NAPG: variants seen among roughly 807,000 people sequenced by gnomAD.
NAPG encodes the protein gamma-soluble NSF attachment protein.
Under a neutral mutation model 48.4 loss-of-function variants are expected in NAPG, and 25 were observed. The ratio of observed to expected loss-of-function variants is 0.52; its 90% CI spans 0.38 to 0.72. The LOEUF (loss-of-function observed/expected upper bound fraction) is 0.72, where lower values mean the gene tolerates loss of function less well. Ranked by LOEUF, NAPG falls within the 30% of genes least tolerant of loss-of-function variation. The pLI, the probability that NAPG is intolerant of heterozygous loss-of-function variation, is 0.00. For synonymous variants in NAPG, 139 were observed against 127.2 expected (o/e 1.09, Z -0.62); for missense variants, 359 against 372.5 (o/e 0.96, Z 0.30).
Position 10,546,908 on chromosome 18 carries a change from G to A in NAPG, c.585+504G>A, listed in dbSNP as rs1471748877. ...CTTGTCCCAGGCATGGAGCTACACT[G>A]TGATGATGGCTCAGGTTGATAAAAC... On this transcript the variant is annotated intron_variant, in intron 9 of 11. Transcript: ENST00000322897. The surrounding 1 kb of genome is among the most constrained non-coding windows in gnomAD (Gnocchi z 4.0). Among the ~76,000 whole-genome samples, 4 of 152,194 alleles carry A rather than the reference G, an allele frequency of 2.6e-5. No individual in the cohort carries two copies. The highest frequency in any genetic ancestry group is 5.9e-5 in the Non-Finnish European group (4 of 68,030).
chr18:10,539,294 G>A lies in NAPG; in HGVS notation c.259-468G>A, dbSNP rs1415960536. The A allele has an allele frequency of 6.4e-6, 1 of 156,860 alleles. No individual in the cohort carries two copies. Among genetic ancestry groups the A allele is most frequent in the African/African-American group, 2.4e-5 (1 of 41,470 alleles). 9.7% of individuals were successfully genotyped at this position (156,860 alleles called of 1,614,324 possible). On this transcript the variant is annotated intron_variant, in intron 5 of 11. Coordinates refer to ENST00000322897, the MANE Select transcript of NAPG (RefSeq NM_003826.3). The surrounding 1 kb of genome is among the most constrained non-coding windows in gnomAD (Gnocchi z 4.7). ...CAGTGATAGACTGGATAAAGAAAATGTGGTACATATACACCATGGAATACT... is the reference window on the plus strand; with the variant it reads ...CAGTGATAGACTGGATAAAGAAAATATGGTACATATACACCATGGAATACT...
At chr18:10,538,178 T>C (rs1270165977) in intron 5 of NAPG, among the ~76,000 whole-genome samples, 2 of 151,814 alleles carry the variant, frequency 1.3e-5, no homozygotes, top group African/African-American at 4.8e-5. Flanking sequence ...AGATACAGAA[T>C]TTATTAGTCA....
At chr18:10,531,842 A>G (rs957883395) in intron 2 of NAPG, among the ~76,000 whole-genome samples, 2 of 152,106 alleles carry the variant, frequency 1.3e-5, no homozygotes, top group Admixed American at 6.6e-5. Context: ...TTTAGATGAA[A>G]TTTTCCCCCT....
Position 10,548,347 on chromosome 18 carries a change from G to A in NAPG, c.634G>A (p.Ala212Thr). 1 of 1,613,860 alleles carries A rather than the reference G, an allele frequency of 6.2e-7. No individual in the cohort carries two copies. Among genetic ancestry groups the A allele is most frequent in the East Asian group, 2.2e-5 (1 of 44,874 alleles). ...LVHLHRNDYV[A>T]AERCVRESYS... Reference sequence around the variant, plus strand: ...TCATCTACACAGAAATGACTATGTAGCTGCAGAAAGATGTGTCCGGGAGAG... The same window carrying A: ...TCATCTACACAGAAATGACTATGTAACTGCAGAAAGATGTGTCCGGGAGAG... The change falls in exon 10 of 12, where the codon GCT becomes ACT. Residue 212 changes from alanine (A) to threonine (T), a missense_variant. Transcript: ENST00000322897. This position sits in a 1 kb window ranked among gnomAD's most constrained non-coding sequence, Gnocchi z 4.4.
intron 5 of NAPG, among the ~76,000 whole-genome samples, chr18:10,538,875 G>T (rs1042897573): frequency 9.9e-5 from 15 of 151,802 alleles, no homozygotes; most frequent in Admixed American, 1.3e-4. Context: ...TGTAGAAAAA[G>T]AAGACATACA....
chr18:10,548,995 T>C lies in NAPG; in HGVS notation c.694T>C (p.Cys232Arg), dbSNP rs1217162529. 1 of 1,613,886 alleles carries C rather than the reference T, an allele frequency of 6.2e-7. No homozygotes were observed. The highest frequency in any genetic ancestry group is 1.1e-5 in the South Asian group (1 of 91,068). Residue 232 changes from cysteine (C) to arginine (R), a missense_variant, in exon 11 of 12, where the codon TGT (cysteine) becomes CGT (arginine). By Grantham distance (180) the Cys-to-Arg change is radical (BLOSUM62 -3). Coordinates refer to ENST00000322897, the MANE Select transcript of NAPG (RefSeq NM_003826.3). This position sits in a 1 kb window ranked among gnomAD's most constrained non-coding sequence, Gnocchi z 4.4. ...SIPGFNGSEDCAALEQLLEGY... is the reference protein window; with the variant it reads ...SIPGFNGSEDRAALEQLLEGY... ...CCCTGGGTTCAATGGCAGTGAAGAC[T>C]GTGCTGCCCTGGAACAGCTTCTTGA...
At chr18:10,533,487 T>C in intron 3 of NAPG, 49 bp from the exon 4 acceptor site, 1 of 1,535,904 alleles carries the variant, frequency 6.5e-7, no homozygotes, top group Non-Finnish European at 8.8e-7. Context: ...ATAGAAACTA[T>C]TGATTTTTTT....
chr18:10,545,178 G>A (rs1458122590), intron 8 of NAPG, among the ~76,000 whole-genome samples: 1 of 152,094 alleles, frequency 6.6e-6, no homozygotes, highest in Non-Finnish European at 1.5e-5. Context: ...TGGGCGTGGT[G>A]GTGGGCGCCT....
chr18:10,540,116 GA>G, intron 7 of NAPG, 62 bp downstream of exon 7: 1 of 1,361,154 alleles, frequency 7.3e-7, no homozygotes. Context: ...TAATATATAG[GA>G]AAATAGAGAA....
chr18:10,540,128 G>A (rs1479800862), intron 7 of NAPG, 74 bp downstream of exon 7: 66 of 1,274,088 alleles, frequency 5.2e-5, no homozygotes, highest in Non-Finnish European at 6.1e-5. Context: ...AAATAGAGAA[G>A]TGCAGTGGCT....
At position 10,543,571 on chromosome 18, in the gene NAPG, GC is replaced by G. The variant is rs1375901106; in HGVS notation, c.507-2753del. Among the ~76,000 whole-genome samples the G allele has an allele frequency of 6.6e-6, 1 of 152,212 alleles. No homozygotes were observed. Among genetic ancestry groups the G allele is most frequent in the African/African-American group, 2.4e-5 (1 of 41,450 alleles). ...TTTTGGAGTTCAGGAAATAGTTGGG[GC>G]CAGAGGAACAGTTTGAGTTGTGGTG... On this transcript the variant is annotated intron_variant, in intron 8 of 11. Transcript: ENST00000322897. The surrounding 1 kb of genome is among the most constrained non-coding windows in gnomAD (Gnocchi z 4.4).
chr18:10,532,808 A>G lies in NAPG; in HGVS notation c.209+13A>G. ...AAAATAATAGGGCGTATCTTTTTCA[A>G]CTTTTAAAAAGAAATTAAACAATTA... On this transcript the variant is annotated intron_variant, in intron 3 of 11. Coordinates refer to ENST00000322897, the MANE Select transcript of NAPG (RefSeq NM_003826.3). 6.5e-7 allele frequency: 1 copy of G among 1,530,518 alleles called. No homozygotes were observed. The highest frequency in any genetic ancestry group is 1.4e-5 in the African/African-American group (1 of 72,676). The allele number at this position is 1,530,518 out of a possible 1,614,324, so 94.8% of individuals were successfully genotyped here.
Position 10,546,768 on chromosome 18 carries a change from T to G in NAPG, c.585+364T>G, listed in dbSNP as rs748538072. 1.3e-5 allele frequency among the ~76,000 whole-genome samples: 2 copies of G among 152,184 alleles called. No individual in the cohort carries two copies. Among genetic ancestry groups the G allele is most frequent in the Non-Finnish European group, 2.9e-5 (2 of 68,036 alleles). On this transcript the variant is annotated intron_variant, in intron 9 of 11. Coordinates refer to ENST00000322897, the MANE Select transcript of NAPG (RefSeq NM_003826.3). The surrounding 1 kb of genome is among the most constrained non-coding windows in gnomAD (Gnocchi z 4.0). ...CTGCCCTGAGAGAAGCCCACAGTTG[T>G]GGAGCTGGGCAGCAAAGGCTGCAAC...
In NAPG at chr18:10,542,867, A is replaced by G. The variant is rs911754675; in HGVS notation, c.506+2468A>G. On this transcript the variant is annotated intron_variant, in intron 8 of 11. Coordinates refer to ENST00000322897, the MANE Select transcript of NAPG (RefSeq NM_003826.3). The surrounding 1 kb of genome is among the most constrained non-coding windows in gnomAD (Gnocchi z 4.5). The stretch of plus-strand genomic sequence containing the variant: ...ATCTGGGAAAAGTCAGTCCAAGGCC[A>G]GTGCCCTTGTTCCTTTTTAGAAAAG... Among the ~76,000 whole-genome samples the G allele has an allele frequency of 2.6e-5, 4 of 152,180 alleles. No individual in the cohort carries two copies. The highest frequency in any genetic ancestry group is 2.6e-4 in the Admixed American group (4 of 15,286).
In NAPG at chr18:10,552,008, A is replaced by G. The variant is rs2143164632; in HGVS notation, c.*1788A>G. ...CATCATTGCAGCTTGTATCCTTTAG[A>G]TCCAATCGGAAACTTCTGGAGTCTT... On this transcript the variant is annotated 3_prime_UTR_variant, in exon 12 of 12. Transcript: ENST00000322897. 6.6e-6 allele frequency: 1 copy of G among 152,312 alleles called. No homozygotes were observed. Among genetic ancestry groups the G allele is most frequent in the East Asian group, 1.9e-4 (1 of 5,188 alleles). 9.4% of individuals were successfully genotyped at this position (152,312 alleles called of 1,614,324 possible). A position where few individuals can be genotyped will look rare whatever the true frequency, so the allele number is the denominator to read the frequency against.
chr18:10,535,744 G>GA (rs1181370267), intron 5 of NAPG, among the ~76,000 whole-genome samples: 1 of 152,238 alleles, frequency 6.6e-6, no homozygotes, highest in Admixed American at 6.5e-5. Flanking sequence ...CTGGGCAACA[G>GA]AGCGAGACTC....
At chr18:10,527,051 G>A (rs1352478224) in intron 1 of NAPG, among the ~76,000 whole-genome samples, 1 of 151,986 alleles carries the variant, frequency 6.6e-6, no homozygotes, top group Non-Finnish European at 1.5e-5. Context: ...AGCCGGGCGT[G>A]GTGGCGGGCG....
rs149643316 is a variant in NAPG at position 10,548,152 on chromosome 18, C to G, written c.586-147C>G. 275 of 609,076 alleles carry G rather than the reference C, an allele frequency of 4.5e-4. 2 individuals carry two copies. The East Asian group carries it at 6.6e-3, about 15-fold the overall frequency. 37.7% of individuals were successfully genotyped at this position (609,076 alleles called of 1,614,324 possible). Reference sequence around the variant, plus strand: ...TTCTAGGATATTTCCCCTCAGGTGTCCCGTGGAAGTTACTATAGCATTTAT... The same window carrying G: ...TTCTAGGATATTTCCCCTCAGGTGTGCCGTGGAAGTTACTATAGCATTTAT... On this transcript the variant is annotated intron_variant, in intron 9 of 11. Coordinates refer to ENST00000322897, the MANE Select transcript of NAPG (RefSeq NM_003826.3). The surrounding 1 kb of genome is among the most constrained non-coding windows in gnomAD (Gnocchi z 4.4).
chr18:10,533,013 CTAT>C (rs2031961514), intron 3 of NAPG: 1 of 431,180 alleles, frequency 2.3e-6, no homozygotes, highest in African/African-American at 2.0e-5. Context: ...TACTTACTTT[CTAT>C]TGTTTGTGAT....
Sources: allele counts gnomAD v4.1 joint callset (sites outside exome capture counted in the v4.1 genomes callset), GRCh38; gene constraint gnomAD v4.1.1; non-coding constraint Gnocchi (gnomAD v3.1); transcripts MANE v1.5; gene names NCBI Gene and HGNC (gene_info 2026-07-23, HGNC 2026-07-21).